TMCC1: variants seen among roughly 807,000 people sequenced by gnomAD.
The protein encoded by TMCC1 is transmembrane and coiled-coil domains protein 1.
A neutral mutation model predicts 52.4 loss-of-function variants in TMCC1; 15 were observed. The observed-to-expected ratio is 0.29, with a 90% CI of 0.19 to 0.44. TMCC1 has a LOEUF of 0.44. TMCC1 is among the 20% of genes least tolerant of loss of function. The probability of loss-of-function intolerance (pLI) is 1.00; values close to 1 mark genes in which losing one functional copy is unlikely to be tolerated. For missense variants in TMCC1, 503 were observed against 806.0 expected, an observed-to-expected ratio of 0.62 and a Z score of 4.55; for synonymous variants, 279 against 301.9, an observed-to-expected ratio of 0.92 and a Z score of 0.79.
intron 4 of TMCC1, among the ~76,000 whole-genome samples, chr3:129,787,265 T>C (rs2056106171): frequency 6.6e-6 from 1 of 152,162 alleles, no homozygotes; most frequent in South Asian, 2.1e-4. Context: ...TTTTATTAAG[T>C]GAAAAGGAAA....
chr3:129,746,039 G>A (rs1172234631), intron 4 of TMCC1, among the ~76,000 whole-genome samples: 2 of 148,340 alleles, frequency 1.3e-5, no homozygotes, highest in Non-Finnish European at 3.0e-5. Context: ...TTACAGACAT[G>A]AGCCACTGCA....
At chr3:129,857,827 T>C (rs1048305408) in intron 2 of TMCC1, among the ~76,000 whole-genome samples, 2 of 152,190 alleles carry the variant, frequency 1.3e-5, no homozygotes, top group Non-Finnish European at 2.9e-5. Context: ...CCTCCCAAAG[T>C]GCTGGGATTA....
intron 4 of TMCC1, among the ~76,000 whole-genome samples, chr3:129,723,909 G>A (rs2049859431): frequency 9.4e-6 from 1 of 106,306 alleles, no homozygotes; most frequent in Admixed American, 1.2e-4. Context: ...GATTCAGGAT[G>A]AGATTTTTTT....
At chr3:129,876,905 T>C (rs1324427471) in intron 2 of TMCC1, among the ~76,000 whole-genome samples, 1 of 152,056 alleles carries the variant, frequency 6.6e-6, no homozygotes, top group African/African-American at 2.4e-5. Context: ...TGCAGTGAGC[T>C]GAGATCGTGC....
intron 4 of TMCC1, among the ~76,000 whole-genome samples, chr3:129,700,399 T>C (rs539839613): frequency 6.6e-6 from 1 of 152,338 alleles, no homozygotes; most frequent in South Asian, 2.1e-4. Context: ...TTAGACACTG[T>C]TGAATATTGG....
intron 4 of TMCC1, among the ~76,000 whole-genome samples, chr3:129,784,667 CA>C (rs563363862): frequency 9.8e-4 from 149 of 151,348 alleles, no homozygotes; most frequent in African/African-American, 3.4e-3. Flanking sequence ...TTCGCTATTT[CA>C]TAATAAAAAA....
At chr3:129,660,646 C>T (rs145162813) in intron 5 of TMCC1, among the ~76,000 whole-genome samples, 3 of 152,356 alleles carry the variant, frequency 2.0e-5, no homozygotes, top group African/African-American at 7.2e-5. Context: ...CCTGCCATTT[C>T]CCTGGCTCAA....
chr3:129,785,145 T>C (rs887392567), intron 4 of TMCC1, among the ~76,000 whole-genome samples: 8 of 152,206 alleles, frequency 5.3e-5, no homozygotes, highest in East Asian at 1.9e-4. Flanking sequence ...CACCCAACCA[T>C]TGGGGCTTCA....
chr3:129,857,329 A>T (rs760809818), intron 2 of TMCC1: 9 of 152,292 alleles, frequency 5.9e-5, no homozygotes, highest in Non-Finnish European at 1.2e-4. Flanking sequence ...CAGACTGGAC[A>T]AGACATCCAC....
chr3:129,663,812 A>AG (rs557445642), intron 5 of TMCC1, among the ~76,000 whole-genome samples: 129 of 152,300 alleles, frequency 8.5e-4, no homozygotes, highest in African/African-American at 2.9e-3. Flanking sequence ...AAAATGGAGG[A>AG]GGAGGGAGCA....
At chr3:129,735,147 C>T (rs887177235) in intron 4 of TMCC1, among the ~76,000 whole-genome samples, 2 of 152,118 alleles carry the variant, frequency 1.3e-5, no homozygotes, top group Non-Finnish European at 2.9e-5. Context: ...ATGACCCGCC[C>T]GCCTTGGCCT....
At chr3:129,680,169 T>C (rs2088846167) in intron 4 of TMCC1, among the ~76,000 whole-genome samples, 1 of 152,200 alleles carries the variant, frequency 6.6e-6, no homozygotes, top group Non-Finnish European at 1.5e-5. Flanking sequence ...TGCCCAAAAT[T>C]ATTTTTCTTC....
chr3:129,892,532 T>C (rs1042290951), intron 1 of TMCC1: 2 of 151,028 alleles, frequency 1.3e-5, no homozygotes, highest in Admixed American at 1.3e-4. Context: ...CCTGGATTTT[T>C]TTTTTTTAAG....
chr3:129,714,668 CTAGA>C (rs1375876474), intron 4 of TMCC1, among the ~76,000 whole-genome samples: 1 of 152,030 alleles, frequency 6.6e-6, no homozygotes, highest in Admixed American at 6.6e-5. Flanking sequence ...AAAAAGATAC[CTAGA>C]TTTTTCAAAC....
intron 4 of TMCC1, among the ~76,000 whole-genome samples, chr3:129,812,912 T>C (rs1315438318): frequency 1.3e-5 from 2 of 152,036 alleles, no homozygotes; most frequent in African/African-American, 4.8e-5. Flanking sequence ...TACTTGAAAA[T>C]ACTTGCAAAC....
intron 4 of TMCC1, among the ~76,000 whole-genome samples, chr3:129,818,323 A>G (rs1253287905): frequency 1.3e-5 from 2 of 152,130 alleles, no homozygotes; most frequent in African/African-American, 4.8e-5. Context: ...GTTTTAAAGA[A>G]ATTTTTAAAG....
chr3:129,854,760 T>A lies in TMCC1; in HGVS notation c.-183-21934A>T, dbSNP rs114312210. 9.3e-3 allele frequency among the ~76,000 whole-genome samples: 1,412 copies of A among 152,312 alleles called. 7 individuals are homozygous for A. Among genetic ancestry groups the A allele is most frequent in the Non-Finnish European group, 0.017 (1,159 of 68,028 alleles). On this transcript the variant is annotated intron_variant, in intron 2 of 6. Coordinates refer to ENST00000393238, the MANE Select transcript of TMCC1 (RefSeq NM_001017395.5). Reference sequence around the variant, plus strand: ...ACAAGTATCATTTCTTGAGGATGCCTTCTCTAATCTGGTCAAATCTCACTA... The same window carrying A: ...ACAAGTATCATTTCTTGAGGATGCCATCTCTAATCTGGTCAAATCTCACTA...
intron 4 of TMCC1, among the ~76,000 whole-genome samples, chr3:129,749,089 C>A (rs1224051111): frequency 1.3e-5 from 2 of 151,930 alleles, no homozygotes; most frequent in East Asian, 3.9e-4. Context: ...GAAACAAATA[C>A]TTGACAAAAG....
rs558447700 is a variant in TMCC1 at position 129,862,316 on chromosome 3, T to C, written c.-184+17993A>G. On this transcript the variant is annotated intron_variant, in intron 2 of 6. Transcript: ENST00000393238. ...GGTGATGGTTGTACCGCTCTGTGAATATACTAAAAACCACTGAAAAGTACA... is the reference window on the plus strand; with the variant it reads ...GGTGATGGTTGTACCGCTCTGTGAACATACTAAAAACCACTGAAAAGTACA... Among the ~76,000 whole-genome samples, 8 of 152,272 alleles carry C rather than the reference T, an allele frequency of 5.3e-5. No homozygotes were observed. In the South Asian group the frequency reaches 1.2e-3, roughly 24 times the overall value.
Sources: allele counts gnomAD v4.1 joint callset (sites outside exome capture counted in the v4.1 genomes callset), GRCh38; gene constraint gnomAD v4.1.1; transcripts MANE v1.5; gene names NCBI Gene and HGNC (gene_info 2026-07-23, HGNC 2026-07-21).